Variants in BTBD8 observed in about 807,000 individuals in gnomAD.
The protein encoded by BTBD8 is BTB/POZ domain-containing protein 8.
A neutral mutation model predicts 162.9 loss-of-function variants in BTBD8; 110 were observed. That is an observed-to-expected ratio of 0.68 (90% CI 0.58 to 0.79). BTBD8 has a LOEUF of 0.79. BTBD8 is among the 30% of genes least tolerant of loss of function. The pLI, the probability that BTBD8 is intolerant of heterozygous loss-of-function variation, is 0.00. For synonymous variants in BTBD8, 667 were observed against 716.1 expected (o/e 0.93, Z 1.10); for missense variants, 1,905 against 2,085.4 (o/e 0.91, Z 1.68).
Position 92,180,454 on chromosome 1 carries a change from A to G in BTBD8, c.2771A>G (p.Asn924Ser). The G allele has an allele frequency of 6.4e-7, 1 of 1,551,414 alleles. No homozygotes were observed. The highest frequency in any genetic ancestry group is 1.2e-5 in the South Asian group (1 of 84,000). Residue 924 changes from asparagine (N) to serine (S), a missense_variant, in exon 17 of 18, where the codon AAT (asparagine) becomes AGT (serine). Physicochemically the swap from Asn to Ser is conservative, Grantham distance 46. Around this residue, in one of 3 missense-constraint regions of BTBD8, gnomAD observed 1,374 missense variants for 1,442.7 expected, o/e 0.95. Coordinates refer to ENST00000636805, the MANE Select transcript of BTBD8 (RefSeq NM_001376131.1). Reference sequence around the variant, plus strand: ...ATAGTGGCAATGCCTAAAAATCTAAATCAGTCAAAGAAAGGTGAAACTTTG... The same window carrying G: ...ATAGTGGCAATGCCTAAAAATCTAAGTCAGTCAAAGAAAGGTGAAACTTTG... ...AKIVAMPKNLNQSKKGETLNN... is the reference protein window; with the variant it reads ...AKIVAMPKNLSQSKKGETLNN...
At chr1:92,123,189 T>C (rs1173763771) in intron 4 of BTBD8, among the ~76,000 whole-genome samples, 2 of 152,244 alleles carry the variant, frequency 1.3e-5, no homozygotes, top group Non-Finnish European at 2.9e-5. Flanking sequence ...CTCTCAATTC[T>C]GTTCCAGTGA....
At chr1:92,151,547 A>G (rs922509259) in intron 9 of BTBD8, among the ~76,000 whole-genome samples, 7 of 151,976 alleles carry the variant, frequency 4.6e-5, no homozygotes, top group Non-Finnish European at 1.5e-5. Flanking sequence ...TTTTTTTTAA[A>G]TTATTTTTTT....
At chr1:92,145,717 C>T (rs961946472) in intron 7 of BTBD8, among the ~76,000 whole-genome samples, 3 of 152,178 alleles carry the variant, frequency 2.0e-5, no homozygotes, top group African/African-American at 7.2e-5. Context: ...TGTGGTGGCT[C>T]ACGCCTGTAA....
intron 3 of BTBD8, among the ~76,000 whole-genome samples, chr1:92,106,235 C>G (rs1268238565): frequency 1.3e-5 from 2 of 152,168 alleles, no homozygotes; most frequent in Non-Finnish European, 2.9e-5. Flanking sequence ...TACATTCTTG[C>G]TGTTTTAGTC....
intron 17 of BTBD8, among the ~76,000 whole-genome samples, chr1:92,182,901 A>G (rs1488158122): frequency 6.6e-6 from 1 of 152,078 alleles, no homozygotes; most frequent in Admixed American, 6.6e-5. Flanking sequence ...TTATTTATGT[A>G]TAATTTAACA....
intron 11 of BTBD8, 43 bp from the exon 12 acceptor site, chr1:92,168,823 C>CA: frequency 1.4e-6 from 2 of 1,464,480 alleles, no homozygotes; most frequent in Non-Finnish European, 1.8e-6. Context: ...GTTGCTATGA[C>CA]AATGTGGCTC....
intron 4 of BTBD8, chr1:92,125,472 T>C: frequency 3.1e-6 from 1 of 326,322 alleles, no homozygotes. Context: ...TTTGAGAGGC[T>C]GGAGAAGGAG....
At chr1:92,112,025 A>G (rs1004886441) in intron 4 of BTBD8, among the ~76,000 whole-genome samples, 1 of 152,212 alleles carries the variant, frequency 6.6e-6, no homozygotes, top group Non-Finnish European at 1.5e-5. Context: ...TAAGTCAATG[A>G]TACATAAAAT....
intron 4 of BTBD8, among the ~76,000 whole-genome samples, chr1:92,109,354 G>C (rs1019473299): frequency 4.6e-5 from 7 of 151,412 alleles, no homozygotes; most frequent in East Asian, 1.9e-4. Flanking sequence ...CAAAGTTATA[G>C]AGCCCTATAG....
rs186412757 is a variant in BTBD8 at position 92,176,362 on chromosome 1, C to T, written c.1636-467C>T. On this transcript the variant is annotated intron_variant, in intron 13 of 17. Coordinates refer to ENST00000636805, the MANE Select transcript of BTBD8 (RefSeq NM_001376131.1). ...TAAATCACATACCTACTTTAATCCT[C>T]AATTTCTTGTCTAAGAAATAGAAAC... 1.7e-3 allele frequency among the ~76,000 whole-genome samples: 266 copies of T among 152,284 alleles called. 3 individuals carry two copies. Among genetic ancestry groups the T allele is most frequent in the African/African-American group, 5.8e-3 (243 of 41,558 alleles).
chr1:92,127,170 T>G (rs1178536420), intron 4 of BTBD8, among the ~76,000 whole-genome samples: 2 of 152,222 alleles, frequency 1.3e-5, no homozygotes, highest in Non-Finnish European at 2.9e-5. Flanking sequence ...CTTTTAAGTT[T>G]GGAACCAAAT....
At chr1:92,087,428 T>G (rs529365689) in intron 1 of BTBD8, among the ~76,000 whole-genome samples, 69 of 152,320 alleles carry the variant, frequency 4.5e-4, no homozygotes, top group African/African-American at 1.5e-3. Flanking sequence ...TGAAAATAAT[T>G]TATTGAAAAT....
chr1:92,149,830 C>T (rs922141447), intron 9 of BTBD8, among the ~76,000 whole-genome samples: 2 of 152,190 alleles, frequency 1.3e-5, no homozygotes, highest in African/African-American at 4.8e-5. Context: ...GCACCAGCAT[C>T]TCCTGCAGGA....
chr1:92,080,479 C>G lies in BTBD8; in HGVS notation c.-93C>G. ...CTAGGGGGCGGATTTGGGTAGGAGC[C>G]GAGCGTTCGGTCGGAAACGCCCCCT... On this transcript the variant is annotated 5_prime_UTR_variant, in exon 1 of 18. Transcript: ENST00000636805. 6.5e-7 allele frequency: 1 copy of G among 1,549,170 alleles called. No homozygotes were observed. Among genetic ancestry groups the G allele is most frequent in the Non-Finnish European group, 8.7e-7 (1 of 1,152,376 alleles).
intron 9 of BTBD8, among the ~76,000 whole-genome samples, chr1:92,162,236 C>T (rs1231980892): frequency 1.3e-5 from 2 of 152,230 alleles, no homozygotes; most frequent in Non-Finnish European, 2.9e-5. Flanking sequence ...ACATCACATA[C>T]ACATCTTTCT....
intron 2 of BTBD8, among the ~76,000 whole-genome samples, chr1:92,096,100 T>C (rs759907039): frequency 2.0e-5 from 3 of 152,014 alleles, no homozygotes; most frequent in Non-Finnish European, 4.4e-5. Flanking sequence ...GTCTCACAAG[T>C]AGCTGGGATT....
At chr1:92,135,166 C>G (rs770066868) in intron 5 of BTBD8, among the ~76,000 whole-genome samples, 2 of 151,872 alleles carry the variant, frequency 1.3e-5, no homozygotes, top group Non-Finnish European at 2.9e-5. Flanking sequence ...GGATTATAGG[C>G]GTGAGCCACT....
Position 92,181,227 on chromosome 1 carries a change from G to C in BTBD8, c.3544G>C (p.Glu1182Gln), listed in dbSNP as rs1367474026. The change falls in exon 17 of 18, where the codon GAA (glutamate) becomes CAA (glutamine). Residue 1182 changes from glutamate (E) to glutamine (Q), a missense_variant. This residue lies in a region of BTBD8 where 1,374 missense variants were observed against 1,442.7 expected (regional missense o/e 0.95). Transcript: ENST00000636805. ...GACAATTCCTAGTAAGTTGTCAGAT[G>C]AATCTGCTATGGATGAAGACAAACA... is the stretch of plus-strand genomic sequence containing the variant. The part of the protein sequence containing the change: ...GLTIPSKLSD[E>Q]SAMDEDKHAT... 6.4e-7 allele frequency: 1 copy of C among 1,551,778 alleles called. No homozygotes were observed. The highest frequency in any genetic ancestry group is 8.7e-7 in the Non-Finnish European group (1 of 1,147,014).
At chr1:92,116,931 C>T (rs902279142) in intron 4 of BTBD8, among the ~76,000 whole-genome samples, 2 of 151,378 alleles carry the variant, frequency 1.3e-5, no homozygotes, top group Admixed American at 1.3e-4. Flanking sequence ...CTTCTGTAAC[C>T]TTGAACTGCT....
Sources: gnomAD v4.1 joint callset for allele counts (sites outside exome capture counted in the v4.1 genomes callset) on GRCh38, gnomAD v4.1.1 for gene constraint, gnomAD v4.1.1 regional missense constraint, MANE v1.5 for transcripts, NCBI Gene and HGNC (gene_info 2026-07-23, HGNC 2026-07-21) for gene names.